The following SMC6 variants were observed in gnomAD, a reference collection of about 807,000 sequenced individuals.
The protein encoded by SMC6 is structural maintenance of chromosomes 6.
In SMC6, 79 loss-of-function variants were observed where a neutral mutation model predicts 142.2. The observed-to-expected ratio is 0.56, with a 90% confidence interval of 0.46 to 0.67. SMC6 has a LOEUF of 0.67. SMC6 is among the 30% of genes least tolerant of loss of function. The probability of loss-of-function intolerance (pLI) is 0.00; values close to 1 mark genes in which losing one functional copy is unlikely to be tolerated. For missense variants in SMC6, 1,072 were observed against 1,284.0 expected, an observed-to-expected ratio of 0.83 and a Z score of 2.52; for synonymous variants, 411 against 412.4, an observed-to-expected ratio of 1.00 and a Z score of 0.04.
chr2:17,708,842 A>G (rs907571325), intron 16 of SMC6, 89 bp from the exon 17 acceptor site: 31 of 326,106 alleles, frequency 9.5e-5, no homozygotes, highest in Non-Finnish European at 1.5e-4. Flanking sequence ...ATATAAGAGT[A>G]TATATATTTC....
intron 5 of SMC6, among the ~76,000 whole-genome samples, chr2:17,735,847 T>C (rs1227347586): frequency 6.6e-6 from 1 of 152,042 alleles, no homozygotes; most frequent in Non-Finnish European, 1.5e-5. Context: ...CCAAGGAGAG[T>C]TGAAATATCC....
chr2:17,726,087 T>TAA (rs35471536), intron 8 of SMC6, among the ~76,000 whole-genome samples: 1,002 of 54,916 alleles, frequency 0.018, 81 homozygotes, highest in Middle Eastern at 0.038. Flanking sequence ...GGCTCTGTCT[T>TAA]AAAAAAAAAA....
Position 17,666,289 on chromosome 2 carries a change from AAC to A in SMC6, c.3161+129_3161+130del, listed in dbSNP as rs1284338445. ...AGAGAAAAACATCCCAAATCTCCTG[AAC>A]CAGTAGGGGAGCTAATTTTTATTTT... On this transcript the variant is annotated intron_variant, in intron 27 of 27. Transcript: ENST00000448223. 4.9e-6 allele frequency: 3 copies of A among 616,258 alleles called. No homozygotes were observed. The African/African-American group carries it at 5.5e-5, about 11-fold the overall frequency. The allele number at this position is 616,258 out of a possible 1,614,324, so 38.2% of individuals were successfully genotyped here.
In SMC6 at chr2:17,718,010, G is replaced by T. The variant is rs1197027315; in HGVS notation, c.1092+67C>A. On this transcript the variant is annotated intron_variant, in intron 12 of 27. Coordinates refer to ENST00000448223, the MANE Select transcript of SMC6 (RefSeq NM_001142286.2). ...AAAAAAATAAAATATAATAAAAAAG[G>T]ATAGAAGAACAGCCTTTATATTTGC... 5 of 1,442,554 alleles carry T rather than the reference G, an allele frequency of 3.5e-6. No individual in the cohort carries two copies. In the African/African-American group the frequency reaches 5.8e-5, roughly 17 times the overall value. 89.4% of individuals were successfully genotyped at this position (1,442,554 alleles called of 1,614,324 possible). A position where few individuals can be genotyped will look rare whatever the true frequency, so the allele number is the denominator to read the frequency against.
At chr2:17,684,463 A>T (rs1667360847) in intron 23 of SMC6, among the ~76,000 whole-genome samples, 1 of 152,206 alleles carries the variant, frequency 6.6e-6, no homozygotes, top group African/African-American at 2.4e-5. Flanking sequence ...CCTACAGACA[A>T]AGAAAACTTA....
At chr2:17,736,531 C>G (rs16983813) in intron 5 of SMC6, among the ~76,000 whole-genome samples, 6,134 of 152,006 alleles carry the variant, frequency 0.04, 365 homozygotes, top group African/African-American at 0.13. Flanking sequence ...TGCTATCTGG[C>G]CAAGTAGACT....
At chr2:17,703,767 T>C (rs1169521342) in intron 18 of SMC6, among the ~76,000 whole-genome samples, 2 of 152,158 alleles carry the variant, frequency 1.3e-5, no homozygotes, top group Non-Finnish European at 2.9e-5. Flanking sequence ...ATTGTAAGAA[T>C]ATATGACATA....
rs1667120806 is a variant in SMC6, at chr2:17,678,891, A to C, written c.2878T>G (p.Phe960Val). The stretch of plus-strand genomic sequence containing the variant: ...CTTAGAGTTTCATTCTTGTGGTCAA[A>C]ATTCATTTTTCCACAATAGGCCCGC... ...SQRAYCGKMN[F>V]DHKNETLSIS... The change falls in exon 25 of 28, where the codon TTT (phenylalanine) becomes GTT (valine). Residue 960 changes from phenylalanine to valine, a missense_variant. Coordinates refer to ENST00000448223, the MANE Select transcript of SMC6 (RefSeq NM_001142286.2). 1 of 1,612,532 alleles carries C rather than the reference A, an allele frequency of 6.2e-7. No homozygotes were observed. Among genetic ancestry groups the C allele is most frequent in the Non-Finnish European group, 8.5e-7 (1 of 1,179,156 alleles).
chr2:17,685,874 C>T (rs1223829749), intron 23 of SMC6, among the ~76,000 whole-genome samples: 2 of 151,622 alleles, frequency 1.3e-5, no homozygotes, highest in East Asian at 3.9e-4. Flanking sequence ...CAATATTTGG[C>T]TAATACTCCA....
chr2:17,728,720 T>C (rs917976448), intron 7 of SMC6, among the ~76,000 whole-genome samples: 3 of 151,592 alleles, frequency 2.0e-5, no homozygotes, highest in East Asian at 1.9e-4. Context: ...AGACCAACAA[T>C]GTCCAAGAAA....
chr2:17,713,433 C>T (rs903391289), intron 16 of SMC6: 3 of 469,196 alleles, frequency 6.4e-6, no homozygotes, highest in African/African-American at 6.0e-5. Context: ...GATCCTTTGT[C>T]ACATGTGTTT....
At chr2:17,702,646 G>A (rs905278842) in intron 19 of SMC6, among the ~76,000 whole-genome samples, 7 of 152,162 alleles carry the variant, frequency 4.6e-5, no homozygotes, top group African/African-American at 1.7e-4. Context: ...AATCCCATGT[G>A]TTGTGGGAGG....
intron 23 of SMC6, among the ~76,000 whole-genome samples, chr2:17,688,317 A>C (rs1381754213): frequency 7.4e-6 from 1 of 135,512 alleles, no homozygotes; most frequent in African/African-American, 2.5e-5. Flanking sequence ...AATGCTATTA[A>C]AAAAAAAAAA....
intron 16 of SMC6, among the ~76,000 whole-genome samples, chr2:17,714,162 G>A (rs1484279440): frequency 2.0e-5 from 3 of 148,974 alleles, no homozygotes; most frequent in Non-Finnish European, 3.0e-5. Context: ...ACCTTGGCTC[G>A]CTGTATCACT....
intron 5 of SMC6, among the ~76,000 whole-genome samples, chr2:17,734,719 T>G (rs1235702198): frequency 7.0e-6 from 1 of 142,852 alleles, no homozygotes; most frequent in African/African-American, 2.5e-5. Context: ...ATCCTACTGC[T>G]ATATAAATTT....
intron 23 of SMC6, among the ~76,000 whole-genome samples, chr2:17,691,411 G>A (rs1667718490): frequency 1.3e-5 from 2 of 150,342 alleles, no homozygotes; most frequent in Non-Finnish European, 3.0e-5. Context: ...CATGTGGGTT[G>A]ATTACATATC....
At chr2:17,674,039 T>A (rs557797585) in intron 25 of SMC6, among the ~76,000 whole-genome samples, 1 of 152,320 alleles carries the variant, frequency 6.6e-6, no homozygotes, top group South Asian at 2.1e-4. Context: ...ATTGCTATTG[T>A]ACATTTGCTT....
chr2:17,712,683 T>C (rs1668886605), intron 16 of SMC6, among the ~76,000 whole-genome samples: 1 of 152,216 alleles, frequency 6.6e-6, no homozygotes, highest in Non-Finnish European at 1.5e-5. Flanking sequence ...CCTAATAATA[T>C]TTTACTATTA....
chr2:17,693,698 T>G (rs968202477), intron 23 of SMC6, among the ~76,000 whole-genome samples: 1 of 149,556 alleles, frequency 6.7e-6, no homozygotes, highest in African/African-American at 2.5e-5. Context: ...AAATAAAAAA[T>G]AAAAAAAAAG....
Sources: allele counts gnomAD v4.1 joint callset (sites outside exome capture counted in the v4.1 genomes callset), GRCh38; gene constraint gnomAD v4.1.1; transcripts MANE v1.5; gene names NCBI Gene and HGNC (gene_info 2026-07-23, HGNC 2026-07-21).